BAG4: variants seen among roughly 807,000 people sequenced by gnomAD.
BAG4 encodes the protein BAG family molecular chaperone regulator 4.
BAG4 carries 28 observed loss-of-function variants against 52.1 expected under a neutral mutation model. That is an observed-to-expected ratio of 0.54 (90% confidence interval 0.40 to 0.74). The LOEUF (loss-of-function observed/expected upper bound fraction) is 0.74, where lower values mean the gene tolerates loss of function less well. Among genes scored for constraint, BAG4 ranks in the 30% least tolerant of loss-of-function variants. BAG4 has a pLI of 0.00. For synonymous variants in BAG4, 208 were observed against 217.0 expected (o/e 0.96, Z 0.37); for missense variants, 525 against 572.0 (o/e 0.92, Z 0.84).
intron 2 of BAG4, among the ~76,000 whole-genome samples, chr8:38,194,867 T>TTTTGGTTTG (rs1803538280): frequency 7.0e-6 from 1 of 142,586 alleles, no homozygotes; most frequent in Non-Finnish European, 1.5e-5. Flanking sequence ...TTTTTTGTTT[T>TTTTGGTTTG]TTTTTTTGGC....
At chr8:38,195,239 C>T (rs1803545420) in intron 2 of BAG4, among the ~76,000 whole-genome samples, 3 of 152,160 alleles carry the variant, frequency 2.0e-5, no homozygotes, top group African/African-American at 7.2e-5. Context: ...CATCCTCGAC[C>T]TCCTGGCTTC....
At chr8:38,192,488 G>T (rs1803492373) in intron 1 of BAG4, among the ~76,000 whole-genome samples, 200 bp from the exon 2 acceptor site, 1 of 151,756 alleles carries the variant, frequency 6.6e-6, no homozygotes, top group East Asian at 1.9e-4. Flanking sequence ...GACCATACTA[G>T]ACTCAATCAC....
intron 2 of BAG4, chr8:38,201,831 AATTT>A: frequency 1.4e-5 from 1 of 69,592 alleles, no homozygotes; most frequent in Non-Finnish European, 2.5e-5. Flanking sequence ...CTGAGTGTGG[AATTT>A]ATATATATAT....
chr8:38,178,110 A>T (rs567449068), intron 1 of BAG4, among the ~76,000 whole-genome samples: 20 of 152,006 alleles, frequency 1.3e-4, no homozygotes, highest in Middle Eastern at 3.5e-3. Context: ...GCCCATGTTC[A>T]TAGCATCATT....
chr8:38,187,866 C>CAAAAA (rs35690753), intron 1 of BAG4, among the ~76,000 whole-genome samples: 1 of 56,110 alleles, frequency 1.8e-5, no homozygotes, highest in Non-Finnish European at 3.5e-5. Flanking sequence ...ACTAAAAATA[C>CAAAAA]AAAAAAAAAA....
chr8:38,185,668 G>A (rs1563279874), intron 1 of BAG4, among the ~76,000 whole-genome samples: 1 of 152,108 alleles, frequency 6.6e-6, no homozygotes, highest in Non-Finnish European at 1.5e-5. Flanking sequence ...AGGTTCAAGC[G>A]ATTCTCTTGC....
intron 2 of BAG4, among the ~76,000 whole-genome samples, chr8:38,198,257 G>A (rs112753119): frequency 2.7e-5 from 4 of 150,394 alleles, no homozygotes; most frequent in South Asian, 4.2e-4. Context: ...GGTGGCAGTC[G>A]CCTGTAATTC....
chr8:38,184,508 T>A (rs959638945), intron 1 of BAG4, among the ~76,000 whole-genome samples: 6 of 148,630 alleles, frequency 4.0e-5, no homozygotes, highest in Non-Finnish European at 5.9e-5. Context: ...AATAAAAATA[T>A]AAAAAGAACC....
At chr8:38,209,703 A>T (rs1268629644) in intron 4 of BAG4, 1 of 390,934 alleles carries the variant, frequency 2.6e-6, no homozygotes, top group East Asian at 4.9e-5. Flanking sequence ...TAGGGGAAAA[A>T]CTAATTCTTA....
intron 2 of BAG4, among the ~76,000 whole-genome samples, chr8:38,194,779 T>G (rs1358397925): frequency 1.3e-5 from 2 of 151,712 alleles, no homozygotes; most frequent in Non-Finnish European, 2.9e-5. Context: ...AACAAAGGAG[T>G]AATTGTCATA....
chr8:38,189,593 C>T (rs1214451140), intron 1 of BAG4, among the ~76,000 whole-genome samples: 1 of 152,132 alleles, frequency 6.6e-6, no homozygotes, highest in African/African-American at 2.4e-5. Flanking sequence ...TGGTTCTTCT[C>T]TAGGCCCCAG....
At chr8:38,177,241 G>T (rs1803175549) in intron 1 of BAG4, 102 bp downstream of exon 1, 4 of 1,483,220 alleles carry the variant, frequency 2.7e-6, no homozygotes, top group African/African-American at 1.4e-5. Context: ...GTGGAGGAGG[G>T]TGTGTTGCGG....
rs369155459 is a variant in BAG4, at chr8:38,193,995, T to A, written c.378+1200T>A. Among the ~76,000 whole-genome samples the A allele has an allele frequency of 2.6e-5, 4 of 152,020 alleles. No homozygotes were observed. In the East Asian group the frequency reaches 5.8e-4, roughly 22 times the overall value. On this transcript the variant is annotated intron_variant, in intron 2 of 4. Coordinates refer to ENST00000287322, the MANE Select transcript of BAG4 (RefSeq NM_004874.4). ...CTGGTGATCTGCCTGCCTCGGCCTT[T>A]CAAAGTGCTGGGATTATAGGCGTGA...
At chr8:38,198,908 A>AAGAC (rs1803613977) in intron 2 of BAG4, among the ~76,000 whole-genome samples, 2 of 152,124 alleles carry the variant, frequency 1.3e-5, no homozygotes, top group Admixed American at 1.3e-4. Context: ...TTGGGGCAAT[A>AAGAC]AGACAGGTGG....
intron 1 of BAG4, among the ~76,000 whole-genome samples, chr8:38,182,619 A>C (rs1803290314): frequency 6.6e-6 from 1 of 152,220 alleles, no homozygotes; most frequent in Non-Finnish European, 1.5e-5. Context: ...ACAAATAAAA[A>C]GTTTGGAAAG....
At chr8:38,177,279 T>A in intron 1 of BAG4, 140 bp downstream of exon 1, 1 of 1,165,264 alleles carries the variant, frequency 8.6e-7, no homozygotes, top group Non-Finnish European at 1.2e-6. Flanking sequence ...GAGACTAAGA[T>A]CAGAGGTTGG....
At position 38,211,795 on chromosome 8, in the gene BAG4, T is replaced by C. The variant is rs1585670489; in HGVS notation, c.*1302T>C. On this transcript the variant is annotated 3_prime_UTR_variant, in exon 5 of 5. Transcript: ENST00000287322. ...ATTTAAGAAAAGGATATTGAAAGGG[T>C]CTTTATTGGCCTTGTTTGGGTAACT... 1 of 152,208 alleles carries C rather than the reference T, an allele frequency of 6.6e-6. No homozygotes were observed. Among genetic ancestry groups the C allele is most frequent in the East Asian group, 1.9e-4 (1 of 5,188 alleles). The allele number at this position is 152,208 out of a possible 1,614,324, so 9.4% of individuals were successfully genotyped here.
chr8:38,210,276 T>G lies in BAG4; in HGVS notation c.1157T>G (p.Val386Gly). 1 of 1,614,100 alleles carries G rather than the reference T, an allele frequency of 6.2e-7. No individual in the cohort carries two copies. The highest frequency in any genetic ancestry group is 8.5e-7 in the Non-Finnish European group (1 of 1,180,032). The change falls in exon 5 of 5, where the codon GTG becomes GGG. Residue 386 changes from valine to glycine, a missense_variant. Val to Gly is a moderately radical substitution (Grantham distance 109, BLOSUM62 -3). Transcript: ENST00000287322. ...CCGAGTATTAAAAAAATCATACATGTGCTGGAGAAGGTCCAGTATCTTGAA... is the reference window on the plus strand; with the variant it reads ...CCGAGTATTAAAAAAATCATACATGGGCTGGAGAAGGTCCAGTATCTTGAA... ...TPPSIKKIIH[V>G]LEKVQYLEQE...
At chr8:38,193,830 C>T (rs925228934) in intron 2 of BAG4, among the ~76,000 whole-genome samples, 1 of 151,416 alleles carries the variant, frequency 6.6e-6, no homozygotes, top group Non-Finnish European at 1.5e-5. Context: ...CCTCCGCCTC[C>T]TGGGTTCAAG....
Sources: gnomAD v4.1 joint callset for allele counts (sites outside exome capture counted in the v4.1 genomes callset) on GRCh38, gnomAD v4.1.1 for gene constraint, MANE v1.5 for transcripts, NCBI Gene and HGNC (gene_info 2026-07-23, HGNC 2026-07-21) for gene names.